ASXL3: variants seen among roughly 807,000 people sequenced by gnomAD.
ASXL3 encodes ASXL transcriptional regulator 3.
A neutral mutation model predicts 170.6 loss-of-function variants in ASXL3; 34 were observed. The observed-to-expected ratio is 0.20, with a 90% CI of 0.15 to 0.27. The LOEUF is 0.27. Ranked by LOEUF, ASXL3 falls within the 10% of genes least tolerant of loss-of-function variation. ASXL3 has a pLI of 1.00. For missense variants in ASXL3, 2,592 were observed against 2,695.3 expected (o/e 0.96, Z 0.85); for synonymous variants, 1,002 against 989.1 (o/e 1.01, Z -0.24).
rs1218590639 is a variant in ASXL3, at chr18:33,744,369, A to G, written c.4521A>G (p.Thr1507=). 1.9e-6 allele frequency: 3 copies of G among 1,613,860 alleles called. No individual in the cohort carries two copies. The highest frequency in any genetic ancestry group is 3.3e-5 in the Admixed American group (2 of 59,998). ...ACCTGCAGGGCAGACCAGTGAGGAC[A>G]GAGGCATCCGTACAGCCCGTGGCGT... ...SLDLQGRPVR[T]EASVQPVACP... Residue 1507 remains threonine, a synonymous_variant, in exon 12 of 12, where the codon ACA becomes ACG. Transcript: ENST00000269197.
intron 2 of ASXL3, among the ~76,000 whole-genome samples, chr18:33,636,343 AACAGCC>A (rs1224064514): frequency 0.023 from 961 of 41,900 alleles, 5 homozygotes; most frequent in East Asian, 0.17. Context: ...CAGCAACAAC[AACAGCC>A]ACAACAACAG....
chr18:33,637,471 A>T (rs2065785314), intron 2 of ASXL3, among the ~76,000 whole-genome samples: 1 of 152,182 alleles, frequency 6.6e-6, no homozygotes, highest in Non-Finnish European at 1.5e-5. Flanking sequence ...GATATCCCAC[A>T]GAACAGATTC....
At chr18:33,695,411 T>C (rs1157777169) in intron 8 of ASXL3, among the ~76,000 whole-genome samples, 2 of 152,104 alleles carry the variant, frequency 1.3e-5, no homozygotes, top group African/African-American at 4.8e-5. Flanking sequence ...CATGCTTGGA[T>C]ATTTTCATTC....
chr18:33,701,811 TCTC>T (rs2066879393), intron 8 of ASXL3, among the ~76,000 whole-genome samples: 1 of 152,062 alleles, frequency 6.6e-6, no homozygotes, highest in Non-Finnish European at 1.5e-5. Flanking sequence ...ATTATTTTCT[TCTC>T]CTTTTCCTCT....
intron 7 of ASXL3, among the ~76,000 whole-genome samples, chr18:33,677,134 C>A (rs545503442): frequency 6.6e-6 from 1 of 152,190 alleles, no homozygotes; most frequent in African/African-American, 2.4e-5. Context: ...CCTTGGTGGG[C>A]TTAACTTCTG....
At chr18:33,584,619 G>A (rs1351098525) in intron 1 of ASXL3, among the ~76,000 whole-genome samples, 1 of 151,688 alleles carries the variant, frequency 6.6e-6, no homozygotes, top group Non-Finnish European at 1.5e-5. Flanking sequence ...ACCAAATGAG[G>A]CAAAGTGAAA....
At chr18:33,603,021 C>G (rs1457436349) in intron 1 of ASXL3, among the ~76,000 whole-genome samples, 1 of 152,020 alleles carries the variant, frequency 6.6e-6, no homozygotes, top group East Asian at 1.9e-4. Flanking sequence ...AGGGAGAAAG[C>G]CTGGTCACTG....
chr18:33,634,461 C>A (rs2065735609), intron 2 of ASXL3, among the ~76,000 whole-genome samples: 1 of 151,564 alleles, frequency 6.6e-6, no homozygotes, highest in African/African-American at 2.4e-5. Context: ...TATTATGAAT[C>A]TATAGGGGAA....
intron 2 of ASXL3, among the ~76,000 whole-genome samples, chr18:33,633,843 CAAAAA>C (rs59859337): frequency 4.6e-5 from 4 of 86,946 alleles, no homozygotes; most frequent in Non-Finnish European, 9.4e-5. Context: ...GACTCCATCT[CAAAAA>C]AAAAAAAAAA....
intron 8 of ASXL3, among the ~76,000 whole-genome samples, chr18:33,712,304 TA>T (rs1000800767): frequency 4.6e-5 from 7 of 152,082 alleles, no homozygotes; most frequent in African/African-American, 1.2e-4. Flanking sequence ...TTCTGTCATT[TA>T]AAAAAAATTG....
chr18:33,601,910 C>T lies in ASXL3; in HGVS notation c.55-5684C>T, dbSNP rs190065488. ...GGCTGAAGCAATCCTTCTGCCTCAG[C>T]CTACCAAGTAGCTGGGACTATAGGC... On this transcript the variant is annotated intron_variant, in intron 1 of 11. Coordinates refer to ENST00000269197, the MANE Select transcript of ASXL3 (RefSeq NM_030632.3). 4.5e-3 allele frequency among the ~76,000 whole-genome samples: 688 copies of T among 151,264 alleles called. 4 individuals are homozygous for T. Among genetic ancestry groups the T allele is most frequent in the African/African-American group, 0.016 (648 of 41,224 alleles).
chr18:33,733,237 A>G (rs1056929876), intron 9 of ASXL3, among the ~76,000 whole-genome samples: 1 of 151,992 alleles, frequency 6.6e-6, no homozygotes, highest in Admixed American at 6.6e-5. Context: ...TTTATTTTCA[A>G]ATGCTTAGCA....
At position 33,746,278 on chromosome 18, in the gene ASXL3, G is replaced by T; in HGVS notation, c.6430G>T (p.Val2144Leu). ...FTQLAAQKMQ[V>L]QQQQQLCGNY... ...CCAATTAGCTGCTCAGAAAATGCAGGTGCAGCAACAACAGCAGCTCTGTGG... is the reference window on the plus strand; with the variant it reads ...CCAATTAGCTGCTCAGAAAATGCAGTTGCAGCAACAACAGCAGCTCTGTGG... The change falls in exon 12 of 12, where the codon GTG becomes TTG. Residue 2144 changes from valine (V) to leucine (L), a missense_variant. Val to Leu is a conservative substitution (Grantham distance 32, BLOSUM62 1). Transcript: ENST00000269197. The T allele has an allele frequency of 6.2e-7, 1 of 1,613,986 alleles. No individual in the cohort carries two copies. The highest frequency in any genetic ancestry group is 8.5e-7 in the Non-Finnish European group (1 of 1,179,906).
Position 33,654,530 on chromosome 18 carries a change from T to C in ASXL3, c.356-7086T>C, listed in dbSNP as rs16964831. ...TAAAGTATGAAATAATTAGTAGTGA[T>C]GCCCATGAATGAAACACTTAACCTT... On this transcript the variant is annotated intron_variant, in intron 4 of 11. Transcript: ENST00000269197. Among the ~76,000 whole-genome samples, 1,428 of 152,196 alleles carry C rather than the reference T, an allele frequency of 9.4e-3. 23 individuals are homozygous for C. The highest frequency in any genetic ancestry group is 0.033 in the African/African-American group (1,352 of 41,556).
At chr18:33,679,160 A>G (rs1045064587) in intron 7 of ASXL3, among the ~76,000 whole-genome samples, 1 of 152,166 alleles carries the variant, frequency 6.6e-6, no homozygotes, top group East Asian at 1.9e-4. Flanking sequence ...ACTCTGTTAC[A>G]TGAGAATATT....
Position 33,744,561 on chromosome 18 carries a change from G to C in ASXL3, c.4713G>C (p.Glu1571Asp). ...CCCTTGTTCCAGATAAATTAAATGA[G>C]CCGACTGCTCCCAGTCATAACTTTG... The part of the protein sequence containing the change: ...ELPLVPDKLN[E>D]PTAPSHNFAE... The change falls in exon 12 of 12, where the codon GAG becomes GAC. Residue 1571 changes from glutamate to aspartate, a missense_variant. Physicochemically the swap from Glu to Asp is conservative, Grantham distance 45. This residue lies in a region of ASXL3 where 2,246 missense variants were observed against 2,219.6 expected (regional missense o/e 1.01). Coordinates refer to ENST00000269197, the MANE Select transcript of ASXL3 (RefSeq NM_030632.3). The C allele has an allele frequency of 6.2e-7, 1 of 1,611,454 alleles. No individual in the cohort carries two copies. Among genetic ancestry groups the C allele is most frequent in the Non-Finnish European group, 8.5e-7 (1 of 1,179,182 alleles).
chr18:33,744,805 T>C lies in ASXL3; in HGVS notation c.4957T>C (p.Ser1653Pro). 6.2e-7 allele frequency: 1 copy of C among 1,614,048 alleles called. No homozygotes were observed. Among genetic ancestry groups the C allele is most frequent in the Non-Finnish European group, 8.5e-7 (1 of 1,179,892 alleles). ...TGAACATGCCAACTACTTGAACGTG[T>C]CAGAACTTCATCCCAGGAATCTTGT... Reference protein sequence around the residue: ...KTEHANYLNVSELHPRNLVTN... With the variant: ...KTEHANYLNVPELHPRNLVTN... The change falls in exon 12 of 12, where the codon TCA becomes CCA. Residue 1653 changes from serine (S) to proline (P), a missense_variant. Ser to Pro is a moderately conservative substitution (Grantham distance 74). This residue lies in a region of ASXL3 where 2,246 missense variants were observed against 2,219.6 expected (regional missense o/e 1.01). Coordinates refer to ENST00000269197, the MANE Select transcript of ASXL3 (RefSeq NM_030632.3).
At chr18:33,711,623 A>G (rs1292828164) in intron 8 of ASXL3, among the ~76,000 whole-genome samples, 4 of 152,160 alleles carry the variant, frequency 2.6e-5, no homozygotes, top group Admixed American at 6.5e-5. Context: ...TTTAAAAGCC[A>G]TTCCTCCCCT....
In ASXL3 at chr18:33,643,632, G is replaced by T. The variant is rs190451548; in HGVS notation, c.138-1262G>T. Among the ~76,000 whole-genome samples the T allele has an allele frequency of 5.5e-3, 831 of 152,016 alleles. 9 individuals are homozygous for T. The highest frequency in any genetic ancestry group is 0.019 in the African/African-American group (787 of 41,542). ...TATATATATGCTGCCTTGCTATTAA[G>T]TGTGTTCTGGCAATTCAGCATATTT... On this transcript the variant is annotated intron_variant, in intron 2 of 11. Transcript: ENST00000269197.
Sources: allele counts gnomAD v4.1 joint callset (sites outside exome capture counted in the v4.1 genomes callset), GRCh38; gene constraint gnomAD v4.1.1; regional missense constraint gnomAD v4.1.1; transcripts MANE v1.5; gene names NCBI Gene and HGNC (gene_info 2026-07-23, HGNC 2026-07-21).